ANK3: variants seen among roughly 807,000 people sequenced by gnomAD.
ANK3 encodes ankyrin 3, also known as ankyrin-3.
ANK3 carries 57 observed loss-of-function variants against 370.9 expected under a neutral mutation model. The ratio of observed to expected loss-of-function variants is 0.15; its 90% CI spans 0.12 to 0.19. The LOEUF is 0.19. ANK3 is among the 10% of genes least tolerant of loss of function. ANK3 has a pLI of 1.00. For synonymous variants in ANK3, 1,929 were observed against 1,946.3 expected (o/e 0.99, Z 0.23); for missense variants, 4,439 against 5,302.1 (o/e 0.84, Z 5.06).
chr10:60,158,685 C>CTTTTTTCTTTT (rs565393055), intron 23 of ANK3, among the ~76,000 whole-genome samples: 1 of 132,710 alleles, frequency 7.5e-6, no homozygotes, highest in African/African-American at 2.9e-5. Flanking sequence ...CACTTTTTTT[C>CTTTTTTCTTTT]TTTTTTTTGA....
At position 60,245,631 on chromosome 10, in the gene ANK3, T is replaced by C. The variant is rs971513583; in HGVS notation, c.799-10845A>G. Among the ~76,000 whole-genome samples the C allele has an allele frequency of 2.6e-5, 4 of 152,214 alleles. No individual in the cohort carries two copies. In the East Asian group the frequency reaches 7.7e-4, roughly 29 times the overall value. On this transcript the variant is annotated intron_variant, in intron 7 of 43. Coordinates refer to ENST00000280772, the MANE Select transcript of ANK3 (RefSeq NM_020987.5). ...TCTTTTGTGACTGGCTTCTTTCACT[T>C]AGCATGTTTTCAAGGTTCATCCATA...
chr10:60,309,531 A>G (rs765125619), intron 1 of ANK3, among the ~76,000 whole-genome samples: 1 of 152,206 alleles, frequency 6.6e-6, no homozygotes, highest in Non-Finnish European at 1.5e-5. Flanking sequence ...CAAGACCTTT[A>G]AAGTTGATGA....
chr10:60,043,431 A>G, intron 42 of ANK3: 3 of 984,650 alleles, frequency 3.0e-6, no homozygotes, highest in Non-Finnish European at 3.6e-6. Flanking sequence ...CTATTTTTAA[A>G]TTGAAAAGGG....
chr10:60,089,268 C>T (rs565294186), intron 28 of ANK3, among the ~76,000 whole-genome samples: 1 of 152,334 alleles, frequency 6.6e-6, no homozygotes. Context: ...GGTTTACAAT[C>T]TGCTCATTCC....
chr10:60,070,621 C>G lies in ANK3; in HGVS notation c.10260G>C (p.Leu3420=). 6.2e-7 allele frequency: 1 copy of G among 1,614,142 alleles called. No individual in the cohort carries two copies. The highest frequency in any genetic ancestry group is 8.5e-7 in the Non-Finnish European group (1 of 1,180,022). Residue 3420 remains leucine, a synonymous_variant, in exon 37 of 44, where the codon CTG becomes CTC. Coordinates refer to ENST00000280772, the MANE Select transcript of ANK3 (RefSeq NM_020987.5). This position sits in a 1 kb window ranked among gnomAD's most constrained non-coding sequence, Gnocchi z 5.7. ...TEIDSLDGYD[L]QDEDDGLTES... is the part of the protein sequence containing the mutation. ...CTGTCAAGCCATCATCTTCATCTTG[C>G]AGGTCATAGCCATCCAGAGAGTCGA...
At chr10:60,636,566 A>G (rs1187585042) in intron 1 of ANK3, among the ~76,000 whole-genome samples, 2 of 152,222 alleles carry the variant, frequency 1.3e-5, no homozygotes, top group African/African-American at 4.8e-5. Flanking sequence ...AGTTATTAGT[A>G]AGAGCCCAGA....
intron 2 of ANK3, among the ~76,000 whole-genome samples, chr10:60,576,351 A>G (rs1210473573): frequency 6.6e-6 from 1 of 152,222 alleles, no homozygotes; most frequent in Non-Finnish European, 1.5e-5. Context: ...GGCCAACTGA[A>G]GTCTCGTAGA....
intron 1 of ANK3, among the ~76,000 whole-genome samples, chr10:60,675,300 C>T (rs2079110963): frequency 6.6e-6 from 1 of 152,176 alleles, no homozygotes; most frequent in African/African-American, 2.4e-5. Context: ...AGGCTACCTC[C>T]CTTCAAAGAT....
intron 23 of ANK3, among the ~76,000 whole-genome samples, chr10:60,166,307 G>A (rs765896511): frequency 4.6e-5 from 7 of 152,054 alleles, no homozygotes; most frequent in Non-Finnish European, 8.8e-5. Flanking sequence ...AAAAGCATCA[G>A]TATTCTGTTC....
intron 2 of ANK3, among the ~76,000 whole-genome samples, chr10:60,572,197 C>T (rs2077617276): frequency 6.6e-6 from 1 of 152,080 alleles, no homozygotes; most frequent in Admixed American, 6.5e-5. Context: ...CTTAATAATC[C>T]TGAATATCAC....
chr10:60,497,842 A>G (rs532695629), intron 2 of ANK3, among the ~76,000 whole-genome samples: 1 of 152,300 alleles, frequency 6.6e-6, no homozygotes, highest in South Asian at 2.1e-4. Context: ...CATACAAAGC[A>G]CCGCACACTC....
At chr10:60,080,655 A>G (rs990270226) in intron 35 of ANK3, 37 bp from the exon 36 acceptor site, 2 of 1,486,848 alleles carry the variant, frequency 1.3e-6, no homozygotes, top group Admixed American at 2.3e-5. Context: ...TCTATTTCCA[A>G]CTTCCCTGTG....
At chr10:60,662,035 T>A (rs999882367) in intron 1 of ANK3, among the ~76,000 whole-genome samples, 1 of 152,108 alleles carries the variant, frequency 6.6e-6, no homozygotes, top group African/African-American at 2.4e-5. Context: ...TAAATCAATT[T>A]GATGAGATTT....
intron 23 of ANK3, among the ~76,000 whole-genome samples, chr10:60,162,150 T>C (rs1287997754): frequency 6.6e-6 from 1 of 152,174 alleles, no homozygotes; most frequent in African/African-American, 2.4e-5. Context: ...GCTAAAAATA[T>C]GCATTCTTGG....
chr10:60,282,276 A>G (rs1193942920), intron 1 of ANK3, among the ~76,000 whole-genome samples: 3 of 152,204 alleles, frequency 2.0e-5, no homozygotes, highest in Non-Finnish European at 4.4e-5. Context: ...AGGTATTATA[A>G]TTCAAGAAAA....
At chr10:60,327,470 TC>T (rs1471660547) in intron 1 of ANK3, among the ~76,000 whole-genome samples, 5 of 152,192 alleles carry the variant, frequency 3.3e-5, no homozygotes, top group Admixed American at 3.3e-4. Context: ...TTGCACTGAC[TC>T]CCACATTCTA....
intron 2 of ANK3, among the ~76,000 whole-genome samples, chr10:60,419,219 A>G (rs907039421): frequency 2.0e-5 from 3 of 152,186 alleles, no homozygotes; most frequent in Admixed American, 6.6e-5. Context: ...CTGGGTCAGG[A>G]GTTTGGAAAC....
chr10:60,462,435 G>A (rs890573669), intron 2 of ANK3, among the ~76,000 whole-genome samples: 3 of 152,076 alleles, frequency 2.0e-5, no homozygotes, highest in Non-Finnish European at 4.4e-5. Context: ...TGCTATATAC[G>A]TGTTTATATT....
intron 2 of ANK3, among the ~76,000 whole-genome samples, chr10:60,416,713 CTCATT>C (rs1336328930): frequency 6.6e-6 from 1 of 152,164 alleles, no homozygotes; most frequent in Non-Finnish European, 1.5e-5. Context: ...GTCACACTAG[CTCATT>C]TCAAATGCTC....
Sources: allele counts gnomAD v4.1 joint callset (sites outside exome capture counted in the v4.1 genomes callset), GRCh38; gene constraint gnomAD v4.1.1; non-coding constraint Gnocchi (gnomAD v3.1); transcripts MANE v1.5; gene names NCBI Gene and HGNC (gene_info 2026-07-23, HGNC 2026-07-21).